The following TDRD6 variants were observed in gnomAD, a reference collection of about 807,000 sequenced individuals.
The protein encoded by TDRD6 is tudor domain-containing protein 6.
A neutral mutation model predicts 157.5 loss-of-function variants in TDRD6; 186 were observed. The observed-to-expected ratio is 1.18, with a 90% CI of 1.05 to 1.33. The LOEUF (loss-of-function observed/expected upper bound fraction) is 1.33. Among genes scored for constraint, TDRD6 ranks in the 40% most tolerant of loss-of-function variants. TDRD6 has a pLI of 0.00. For missense variants in TDRD6, 3,066 were observed against 2,508.0 expected, an observed-to-expected ratio of 1.22 and a Z score of -4.75; for synonymous variants, 1,075 against 945.2, an observed-to-expected ratio of 1.14 and a Z score of -2.52.
chr6:46,691,646 T>G lies in TDRD6; in HGVS notation c.3518T>G (p.Leu1173Arg). The change falls in exon 1 of 4, where the codon CTC becomes CGC. Residue 1173 changes from leucine (L) to arginine (R), a missense_variant. Coordinates refer to ENST00000316081, the MANE Select transcript of TDRD6 (RefSeq NM_001010870.3). Reference sequence around the variant, plus strand: ...ATAAGAAAAAAAGAAAGTGAAGTCCTCTGTTCTACAACTGAAACTCTTGAA... The same window carrying G: ...ATAAGAAAAAAAGAAAGTGAAGTCCGCTGTTCTACAACTGAAACTCTTGAA... ...DRIRKKESEV[L>R]CSTTETLEEK... 1.2e-6 allele frequency: 2 copies of G among 1,613,210 alleles called. No individual in the cohort carries two copies. The highest frequency in any genetic ancestry group is 1.7e-6 in the Non-Finnish European group (2 of 1,179,644).
At chr6:46,684,843 C>T (rs1764052435), upstream of TDRD6, among the ~76,000 whole-genome samples, 1 of 151,970 alleles carries the variant, frequency 6.6e-6, no homozygotes, top group Non-Finnish European at 1.5e-5. Context: ...TGCCTAAATG[C>T]AATTTTTCAG....
At position 46,693,536 on chromosome 6, in the gene TDRD6, A is replaced by G. The variant is rs1370087335; in HGVS notation, c.5408A>G (p.Asp1803Gly). 1 of 1,613,930 alleles carries G rather than the reference A, an allele frequency of 6.2e-7. No individual in the cohort carries two copies. Among genetic ancestry groups the G allele is most frequent in the African/African-American group, 1.3e-5 (1 of 74,942 alleles). Residue 1803 changes from aspartate to glycine, a missense_variant, in exon 1 of 4, where the codon GAC (aspartate) becomes GGC (glycine). Asp to Gly is a moderately conservative substitution (Grantham distance 94). Coordinates refer to ENST00000316081, the MANE Select transcript of TDRD6 (RefSeq NM_001010870.3). The part of the protein sequence containing the change: ...LEGELECHLV[D>G]KAEFDDKYLI... ...GGTGAATTAGAGTGCCATCTGGTTG[A>G]CAAAGCAGAGTTTGATGATAAATAC...
Position 46,688,346 on chromosome 6 carries a change from G to C in TDRD6, c.218G>C (p.Cys73Ser). ...GCCTCGGCCTCGCCCGGCGAGCTGT[G>C]CCTGGTGCAGGTCGGGCTTTTGTGG... ...GSASASPGEL[C>S]LVQVGLLWHR... The change falls in exon 1 of 4, where the codon TGC becomes TCC. Residue 73 changes from cysteine (C) to serine (S), a missense_variant. Coordinates refer to ENST00000316081, the MANE Select transcript of TDRD6 (RefSeq NM_001010870.3). 1 of 1,531,516 alleles carries C rather than the reference G, an allele frequency of 6.5e-7. No homozygotes were observed. The highest frequency in any genetic ancestry group is 8.7e-7 in the Non-Finnish European group (1 of 1,143,634). The allele number at this position is 1,531,516 out of a possible 1,614,324, so 94.9% of individuals were successfully genotyped here.
At chr6:46,680,577 C>T in the TDRD6 span, among the ~76,000 whole-genome samples, 15 of 152,270 alleles carry the variant, frequency 9.9e-5, no homozygotes, top group African/African-American at 3.6e-4. Flanking sequence ...CAGGGAAGCA[C>T]AGTCGTCTTC....
intron 3 of TDRD6, among the ~76,000 whole-genome samples, chr6:46,701,536 GA>G (rs1415263216): frequency 6.6e-6 from 1 of 150,544 alleles, no homozygotes; most frequent in African/African-American, 2.4e-5. Context: ...AATATCATGT[GA>G]AAAATATATA....
rs754812791 is a variant in TDRD6 at position 46,690,517 on chromosome 6, G to C, written c.2389G>C (p.Gly797Arg). Residue 797 changes from glycine (G) to arginine (R), a missense_variant, in exon 1 of 4, where the codon GGA becomes CGA. Physicochemically the swap from Gly to Arg is moderately radical, Grantham distance 125 (BLOSUM62 -2). Coordinates refer to ENST00000316081, the MANE Select transcript of TDRD6 (RefSeq NM_001010870.3). ...GTGTCAGCTGACCAGGAACATACAA[G>C]GACTTAAAACTCTAATGTCTGATAT... ...FWCQLTRNIQGLKTLMSDIQY... is the reference protein window; with the variant it reads ...FWCQLTRNIQRLKTLMSDIQY... The C allele has an allele frequency of 4.3e-6, 7 of 1,614,022 alleles. No individual in the cohort carries two copies. In the Admixed American group the frequency reaches 8.3e-5, roughly 19 times the overall value.
At position 46,690,892 on chromosome 6, in the gene TDRD6, T is replaced by C; in HGVS notation, c.2764T>C (p.Cys922Arg). ...ATGGCAAAAAAATCTAGAATTAAAA[T>C]GTACAATATTTGCTCTGGCTTCAAT... ...NAWQKNLELK[C>R]TIFALASINE... The change falls in exon 1 of 4, where the codon TGT becomes CGT. Residue 922 changes from cysteine (C) to arginine (R), a missense_variant. Coordinates refer to ENST00000316081, the MANE Select transcript of TDRD6 (RefSeq NM_001010870.3). 6.2e-7 allele frequency: 1 copy of C among 1,613,892 alleles called. No homozygotes were observed. The highest frequency in any genetic ancestry group is 8.5e-7 in the Non-Finnish European group (1 of 1,179,936).
In TDRD6 at chr6:46,689,484, AGAG is replaced by A. The variant is rs1764238321; in HGVS notation, c.1365_1367del (p.Glu456del). 6.2e-7 allele frequency: 1 copy of A among 1,613,838 alleles called. No individual in the cohort carries two copies. Reference sequence around the variant, plus strand: ...ACCGAGTCCTTCAGAGCCAGGCAACAGAGGAGGAGGAACCAGAAACATCTCAGT... The same window carrying A: ...ACCGAGTCCTTCAGAGCCAGGCAACAGAGGAGGAACCAGAAACATCTCAGT... On this transcript the variant is annotated inframe_deletion, in exon 1 of 4. Transcript: ENST00000316081.
rs1408338607 is a variant in TDRD6 at position 46,690,410 on chromosome 6, G to C, written c.2282G>C (p.Gly761Ala). The C allele has an allele frequency of 2.0e-5, 33 of 1,613,942 alleles. No individual in the cohort carries two copies. In the East Asian group the frequency reaches 7.4e-4, roughly 36 times the overall value. The change falls in exon 1 of 4, where the codon GGC becomes GCC. Residue 761 changes from glycine (G) to alanine (A), a missense_variant. Gly to Ala is a moderately conservative substitution (Grantham distance 60, BLOSUM62 0). Transcript: ENST00000316081. ...LMQNCLEIKP[G>A]SSSKGELEVG... Reference sequence around the variant, plus strand: ...CAGAATTGCTTGGAAATTAAGCCAGGCTCCTCTAGTAAAGGAGAGCTGGAA... The same window carrying C: ...CAGAATTGCTTGGAAATTAAGCCAGCCTCCTCTAGTAAAGGAGAGCTGGAA...
In TDRD6 at chr6:46,691,331, G is replaced by T; in HGVS notation, c.3203G>T (p.Gly1068Val). The stretch of plus-strand genomic sequence containing the variant: ...AAGAAAGTCTTCTTTGTTGATTTTG[G>T]GAATATTTATGTAGTAACAAGTGAT... ...EPKKVFFVDF[G>V]NIYVVTSDDL... Residue 1068 changes from glycine to valine, a missense_variant, in exon 1 of 4, where the codon GGG (glycine) becomes GTG (valine). Transcript: ENST00000316081. 6.2e-7 allele frequency: 1 copy of T among 1,613,976 alleles called. No homozygotes were observed. The highest frequency in any genetic ancestry group is 8.5e-7 in the Non-Finnish European group (1 of 1,179,952).
chr6:46,702,004 A>G lies in TDRD6; in HGVS notation c.*117A>G. On this transcript the variant is annotated 3_prime_UTR_variant, in exon 4 of 4. Coordinates refer to ENST00000316081, the MANE Select transcript of TDRD6 (RefSeq NM_001010870.3). ...AAACATGTAACCACAAGAAGTTGTC[A>G]TTTTCAAAAACTTCTATATAGGTGG... is the stretch of plus-strand genomic sequence containing the variant. The G allele has an allele frequency of 1.6e-6, 2 of 1,270,602 alleles. No individual in the cohort carries two copies. Among genetic ancestry groups the G allele is most frequent in the African/African-American group, 1.5e-5 (1 of 66,718 alleles). 78.7% of individuals were successfully genotyped at this position (1,270,602 alleles called of 1,614,324 possible). A position where few individuals can be genotyped will look rare whatever the true frequency, so the allele number is the denominator to read the frequency against.
Position 46,687,953 on chromosome 6 carries a change from C to A in TDRD6, c.-176C>A. ...TCTTACCAGTCCGTGGCGGGAGTCC[C>A]GGAGGACCCTCGACGGGGGAGTTGC... On this transcript the variant is annotated 5_prime_UTR_variant, in exon 1 of 4. Transcript: ENST00000316081. 2 of 1,056,554 alleles carry A rather than the reference C, an allele frequency of 1.9e-6. No homozygotes were observed. Among genetic ancestry groups the A allele is most frequent in the Non-Finnish European group, 2.6e-6 (2 of 783,682 alleles). The allele number at this position is 1,056,554 out of a possible 1,614,324, so 65.4% of individuals were successfully genotyped here. A position where few individuals can be genotyped will look rare whatever the true frequency, so the allele number is the denominator to read the frequency against.
At chr6:46,687,588 A>G (rs548599695), upstream of TDRD6, 2 of 152,312 alleles carry the variant, frequency 1.3e-5, no homozygotes, top group Admixed American at 1.3e-4. Flanking sequence ...CGGGAACGCC[A>G]CTGGCTAGTA....
rs1764166006 is a variant in TDRD6 at position 46,688,239 on chromosome 6, C to A, written c.111C>A (p.Gly37=). Residue 37 remains glycine, a synonymous_variant, in exon 1 of 4, where the codon GGC becomes GGA. Transcript: ENST00000316081. ...VIPVQLWGLV[G]ERRGEYLRLS... is the part of the protein sequence containing the mutation. ...CGGTGCAGCTGTGGGGGCTGGTGGG[C>A]GAGCGGCGGGGCGAGTACCTGCGGC... The A allele has an allele frequency of 1.3e-6, 2 of 1,523,992 alleles. No homozygotes were observed. Among genetic ancestry groups the A allele is most frequent in the South Asian group, 2.4e-5 (2 of 82,664 alleles). 94.4% of individuals were successfully genotyped at this position (1,523,992 alleles called of 1,614,324 possible). A position where few individuals can be genotyped will look rare whatever the true frequency, so the allele number is the denominator to read the frequency against.
rs780742657 is a variant in TDRD6 at position 46,690,031 on chromosome 6, G to A, written c.1903G>A (p.Asp635Asn). 3 of 1,613,896 alleles carry A rather than the reference G, an allele frequency of 1.9e-6. No homozygotes were observed. Among genetic ancestry groups the A allele is most frequent in the South Asian group, 1.1e-5 (1 of 91,044 alleles). Reference protein sequence around the residue: ...LHKELVIHILDKQDHQYVIEI... With the variant: ...LHKELVIHILNKQDHQYVIEI... ...CAAAGAATTAGTCATCCATATTCTT[G>A]ATAAACAGGATCATCAATATGTTAT... Residue 635 changes from aspartate (D) to asparagine (N), a missense_variant, in exon 1 of 4, where the codon GAT (aspartate) becomes AAT (asparagine). Transcript: ENST00000316081.
At position 46,695,861 on chromosome 6, in the gene TDRD6, TG is replaced by T. The variant is rs1247231403; in HGVS notation, c.6089del (p.Gly2030AspfsTer10). On this transcript the variant is annotated frameshift_variant, in exon 2 of 4. Transcript: ENST00000316081. LOFTEE classifies it high-confidence loss of function. ...NTYTLKAFTV[G>X]SKCVVWSSLR... ...CCTACACTCTGAAAGCCTTTACTGTTGGATCTAAATGTGTTGTGTGGTCAAG... is the reference window on the plus strand; with the variant it reads ...CCTACACTCTGAAAGCCTTTACTGTTGATCTAAATGTGTTGTGTGGTCAAG... The T allele has an allele frequency of 6.2e-7, 1 of 1,613,738 alleles. No homozygotes were observed. Among genetic ancestry groups the T allele is most frequent in the South Asian group, 1.1e-5 (1 of 91,062 alleles).
At chr6:46,694,200 CTTT>C (rs55724083) in intron 1 of TDRD6, 26 bp downstream of exon 1, 64,908 of 984,872 alleles carry the variant, frequency 0.066, 1 homozygote, top group South Asian at 0.096. Context: ...TTCCTTTTTA[CTTT>C]TTTTTTTTTT....
At position 46,691,383 on chromosome 6, in the gene TDRD6, A is replaced by G. The variant is rs781295730; in HGVS notation, c.3255A>G (p.Ala1085=). The part of the protein sequence containing the change: ...SDDLLPIPSD[A]YDVLLLPMQA... ...ATCTGCTTCCAATACCTAGTGATGC[A>G]TATGATGTCTTACTTTTGCCCATGC... The change falls in exon 1 of 4, where the codon GCA becomes GCG. Residue 1085 remains alanine (A), a synonymous_variant. Transcript: ENST00000316081. 1.7e-5 allele frequency: 27 copies of G among 1,613,940 alleles called. No individual in the cohort carries two copies. The highest frequency in any genetic ancestry group is 1.7e-5 in the Non-Finnish European group (20 of 1,179,956).
chr6:46,694,049 T>C lies in TDRD6; in HGVS notation c.5921T>C (p.Ile1974Thr), dbSNP rs1039084718. 17 of 1,613,872 alleles carry C rather than the reference T, an allele frequency of 1.1e-5. No homozygotes were observed. The Admixed American group carries it at 1.5e-4, about 14-fold the overall frequency. Reference protein sequence around the residue: ...CDPKTQNEMNICEEEFVEYKN... With the variant: ...CDPKTQNEMNTCEEEFVEYKN... ...CCTAAAACACAGAATGAAATGAATA[T>C]ATGTGAAGAAGAATTTGTAGAGTAT... The change falls in exon 1 of 4, where the codon ATA (isoleucine) becomes ACA (threonine). Residue 1974 changes from isoleucine (I) to threonine (T), a missense_variant. Ile to Thr is a moderately conservative substitution (Grantham distance 89, BLOSUM62 -1). Transcript: ENST00000316081.
Sources: allele counts gnomAD v4.1 joint callset (sites outside exome capture counted in the v4.1 genomes callset), GRCh38; gene constraint gnomAD v4.1.1; transcripts MANE v1.5; gene names NCBI Gene and HGNC (gene_info 2026-07-23, HGNC 2026-07-21).